SBF2: variants seen among roughly 807,000 people sequenced by gnomAD.
The protein encoded by SBF2 is myotubularin-related protein 13.
Under a neutral mutation model 225.2 loss-of-function variants are expected in SBF2, and 112 were observed. The observed-to-expected ratio is 0.50, with a 90% CI of 0.43 to 0.58. SBF2 has a LOEUF of 0.58. Among genes scored for constraint, SBF2 ranks in the 20% least tolerant of loss-of-function variants. SBF2 has a pLI of 0.00. For synonymous variants in SBF2, 763 were observed against 773.3 expected (o/e 0.99, Z 0.22); for missense variants, 1,996 against 2,206.2 (o/e 0.90, Z 1.91).
intron 20 of SBF2, among the ~76,000 whole-genome samples, chr11:9,853,012 C>T (rs1047893125): frequency 2.0e-5 from 3 of 152,056 alleles, no homozygotes; most frequent in South Asian, 2.1e-4. Flanking sequence ...CTCAAATGTC[C>T]ATCAACAGAT....
intron 2 of SBF2, among the ~76,000 whole-genome samples, chr11:10,145,474 T>C (rs975616279): frequency 1.3e-5 from 2 of 152,090 alleles, no homozygotes; most frequent in African/African-American, 4.8e-5. Flanking sequence ...GAGGTATACA[T>C]CTTGATGGGA....
In SBF2 at chr11:9,845,743, A is replaced by T. The variant is rs202116086; in HGVS notation, c.2935-3T>A. 1.7e-5 allele frequency: 28 copies of T among 1,613,384 alleles called. No homozygotes were observed. The highest frequency in any genetic ancestry group is 4.2e-6 in the Non-Finnish European group (5 of 1,179,418). ...TCATCAAATGCTACCTTAATCAACT[A>T]GAAGCAAAAGAGATTAAACACAAAA... On this transcript the variant is annotated splice_polypyrimidine_tract_variant and splice_region_variant and intron_variant, in intron 23 of 39. Coordinates refer to ENST00000256190, the MANE Select transcript of SBF2 (RefSeq NM_030962.4).
intron 1 of SBF2, among the ~76,000 whole-genome samples, chr11:10,265,898 T>A (rs1483970427): frequency 6.6e-6 from 1 of 152,100 alleles, no homozygotes; most frequent in Non-Finnish European, 1.5e-5. Flanking sequence ...TGTGTGTGTG[T>A]TTTAGAGATG....
At chr11:9,915,059 G>A (rs1340808077) in intron 16 of SBF2, among the ~76,000 whole-genome samples, 1 of 152,130 alleles carries the variant, frequency 6.6e-6, no homozygotes, top group African/African-American at 2.4e-5. Flanking sequence ...AAGACAAGTG[G>A]AGAAGGATGA....
intron 2 of SBF2, among the ~76,000 whole-genome samples, chr11:10,070,866 A>G (rs982957814): frequency 2.0e-5 from 3 of 152,002 alleles, no homozygotes; most frequent in African/African-American, 7.2e-5. Flanking sequence ...TCCCTGAAGA[A>G]GTCCTTCACA....
intron 13 of SBF2, among the ~76,000 whole-genome samples, chr11:9,988,642 A>T (rs894459845): frequency 6.6e-6 from 1 of 152,186 alleles, no homozygotes; most frequent in Non-Finnish European, 1.5e-5. Context: ...GCCAATAAAC[A>T]TATGAAAAAA....
intron 2 of SBF2, among the ~76,000 whole-genome samples, chr11:10,175,902 C>A (rs1331944617): frequency 1.3e-5 from 2 of 151,822 alleles, no homozygotes. Flanking sequence ...CAACCGGCTC[C>A]TGAATGACTA....
chr11:9,967,965 CTCTCTCTA>C (rs1305709530), intron 14 of SBF2, among the ~76,000 whole-genome samples: 4 of 94,934 alleles, frequency 4.2e-5, no homozygotes, highest in African/African-American at 1.3e-4. Context: ...CTCTCTCTCT[CTCTCTCTA>C]TATATATATA....
At chr11:10,130,375 A>AC (rs994610727) in intron 2 of SBF2, among the ~76,000 whole-genome samples, 15 of 151,946 alleles carry the variant, frequency 9.9e-5, no homozygotes, top group South Asian at 6.2e-4. Flanking sequence ...AAAAAAAAAA[A>AC]AATTCAGTAG....
intron 32 of SBF2, among the ~76,000 whole-genome samples, chr11:9,806,159 G>A (rs1406160478): frequency 3.9e-5 from 6 of 152,194 alleles, no homozygotes; most frequent in African/African-American, 1.4e-4. Context: ...ATACTTTAGT[G>A]CTATAGATGT....
At chr11:9,898,092 T>A (rs1220894845) in intron 16 of SBF2, among the ~76,000 whole-genome samples, 1 of 151,688 alleles carries the variant, frequency 6.6e-6, no homozygotes, top group East Asian at 1.9e-4. Context: ...AAGTCAGAAG[T>A]GAGGAAGAGT....
chr11:9,969,058 A>T (rs1428316531), intron 13 of SBF2, among the ~76,000 whole-genome samples: 1 of 152,240 alleles, frequency 6.6e-6, no homozygotes, highest in Non-Finnish European at 1.5e-5. Context: ...TCCAGAATGC[A>T]GCTCTTAATC....
intron 1 of SBF2, among the ~76,000 whole-genome samples, chr11:10,207,812 C>G (rs1275171642): frequency 6.6e-6 from 1 of 151,816 alleles, no homozygotes; most frequent in Non-Finnish European, 1.5e-5. Flanking sequence ...AAATGGAAAA[C>G]AAGCTCAACC....
In SBF2 at chr11:10,028,408, T is replaced by C. The variant is rs376075844; in HGVS notation, c.619+44A>G. 1.2e-5 allele frequency: 14 copies of C among 1,189,926 alleles called. 1 individual carries two copies. Among genetic ancestry groups the C allele is most frequent in the African/African-American group, 7.5e-5 (5 of 66,718 alleles). 73.7% of individuals were successfully genotyped at this position (1,189,926 alleles called of 1,614,324 possible). A position where few individuals can be genotyped will look rare whatever the true frequency, so the allele number is the denominator to read the frequency against. On this transcript the variant is annotated intron_variant, in intron 6 of 39. Transcript: ENST00000256190. ...CGACTTAAAATAAATCCTTTAATCA[T>C]AGGCTTCTACAAGATGACATTGAAA...
rs538941364 is a variant in SBF2 at position 10,171,476 on chromosome 11, T to C, written c.141+22426A>G. Among the ~76,000 whole-genome samples the C allele has an allele frequency of 3.8e-3, 581 of 152,342 alleles. 4 individuals carry two copies. The highest frequency in any genetic ancestry group is 5.4e-3 in the South Asian group (26 of 4,826). On this transcript the variant is annotated intron_variant, in intron 2 of 39. Transcript: ENST00000256190. ...GTGTCTTGAACCATCCTTGTATCCC[T>C]GGGATAAATCCTACTTGGTCATGAT...
intron 2 of SBF2, among the ~76,000 whole-genome samples, chr11:10,110,006 C>A (rs1434590995): frequency 6.6e-6 from 1 of 152,212 alleles, no homozygotes; most frequent in Non-Finnish European, 1.5e-5. Flanking sequence ...TCTGCAAACC[C>A]ATGAGTACAA....
At chr11:9,836,147 T>C (rs1389821198) in intron 26 of SBF2, among the ~76,000 whole-genome samples, 1 of 152,188 alleles carries the variant, frequency 6.6e-6, no homozygotes, top group Non-Finnish European at 1.5e-5. Flanking sequence ...TTTTTTACTT[T>C]ATAGATAATG....
chr11:9,880,084 TAAAAAAAA>T (rs58140393), intron 17 of SBF2, among the ~76,000 whole-genome samples: 1 of 51,994 alleles, frequency 1.9e-5, no homozygotes, highest in East Asian at 6.6e-4. Context: ...CTCTGTCTCA[TAAAAAAAA>T]AAAAAAAAAA....
chr11:9,794,676 CAAAAAAAAAAAAAA>C (rs575749593), intron 33 of SBF2, among the ~76,000 whole-genome samples: 77 of 35,356 alleles, frequency 2.2e-3, no homozygotes, highest in Non-Finnish European at 2.9e-3. Flanking sequence ...GACTCCGTCT[CAAAAAAAAAAAAAA>C]AAAAAAAAAA....
Sources: gnomAD v4.1 joint callset for allele counts (sites outside exome capture counted in the v4.1 genomes callset) on GRCh38, gnomAD v4.1.1 for gene constraint, MANE v1.5 for transcripts, NCBI Gene and HGNC (gene_info 2026-07-23, HGNC 2026-07-21) for gene names.